The following CASP1 variants were observed in gnomAD, a reference collection of about 807,000 sequenced individuals.
CASP1 encodes the protein caspase-1.
CASP1 carries 31 observed loss-of-function variants against 41.2 expected under a neutral mutation model. The ratio of observed to expected loss-of-function variants is 0.75; its 90% CI spans 0.57 to 1.02. The LOEUF (loss-of-function observed/expected upper bound fraction) is 1.02, where lower values mean the gene tolerates loss of function less well. Ranked by LOEUF, CASP1 falls within the 50% of genes least tolerant of loss-of-function variation. CASP1 has a pLI of 0.00. For synonymous variants in CASP1, 163 were observed against 166.5 expected (o/e 0.98, Z 0.16); for missense variants, 490 against 495.7 (o/e 0.99, Z 0.11).
chr11:105,029,095 CAA>C, intron 7 of CASP1, 27 bp downstream of exon 7: 3 of 1,600,594 alleles, frequency 1.9e-6, no homozygotes, highest in Non-Finnish European at 2.6e-6. Flanking sequence ...ATAGCCCCAA[CAA>C]AGATGTCCTG....
chr11:105,036,039 T>A (rs941014834), upstream of CASP1, among the ~76,000 whole-genome samples: 11 of 152,126 alleles, frequency 7.2e-5, no homozygotes, highest in Non-Finnish European at 1.3e-4. Context: ...TCCCTATGCA[T>A]TGGTTCCTCT....
intron 7 of CASP1, among the ~76,000 whole-genome samples, chr11:105,028,020 G>C (rs1052636789): frequency 1.2e-4 from 19 of 152,120 alleles, no homozygotes; most frequent in African/African-American, 4.6e-4. Context: ...CCTACAAAGA[G>C]CTACTTAGAG....
chr11:105,025,883 A>G lies in CASP1; in HGVS notation c.*375T>C, dbSNP rs914366726. 3 of 222,070 alleles carry G rather than the reference A, an allele frequency of 1.4e-5. No individual in the cohort carries two copies. The Admixed American group carries it at 1.6e-4, about 12-fold the overall frequency. The allele number at this position is 222,070 out of a possible 1,614,324, so 13.8% of individuals were successfully genotyped here. A position where few individuals can be genotyped will look rare whatever the true frequency, so the allele number is the denominator to read the frequency against. ...AACGTGCTCTGCACTGACCAGAAGA[A>G]AGGCATTACTTCAGTATTTTCTGTA... On this transcript the variant is annotated 3_prime_UTR_variant, in exon 9 of 9. Transcript: ENST00000533400.
chr11:105,035,689 C>G (rs527619985), upstream of CASP1, among the ~76,000 whole-genome samples: 1 of 123,670 alleles, frequency 8.1e-6, no homozygotes, highest in East Asian at 3.0e-4. Context: ...GACCTTGGCT[C>G]ACTGCAGCCT....
chr11:105,033,914 A>C (rs757296745), intron 2 of CASP1: 1 of 708,780 alleles, frequency 1.4e-6, no homozygotes, highest in Admixed American at 1.8e-5. Context: ...CTTGCCAGGA[A>C]CACTGGAAAA....
intron 3 of CASP1, 137 bp downstream of exon 3, chr11:105,032,927 A>G: frequency 1.6e-6 from 1 of 627,414 alleles, no homozygotes; most frequent in Non-Finnish European, 2.8e-6. Flanking sequence ...ACAAAAGCAG[A>G]ATAGATTACA....
intron 3 of CASP1, among the ~76,000 whole-genome samples, chr11:105,032,141 T>A: frequency 6.6e-6 from 1 of 152,140 alleles, no homozygotes; most frequent in East Asian, 1.9e-4. Flanking sequence ...TAAAAACAAA[T>A]TTGAAAAATT....
chr11:105,034,749 T>A (rs1256501997), intron 1 of CASP1: 1 of 624,216 alleles, frequency 1.6e-6, no homozygotes, highest in Non-Finnish European at 2.7e-6. Flanking sequence ...TATTTAACTC[T>A]GGTTAATAAA....
chr11:105,026,682 G>A (rs1863311159), intron 8 of CASP1, 160 bp downstream of exon 8: 3 of 614,228 alleles, frequency 4.9e-6, no homozygotes, highest in Admixed American at 2.9e-5. Context: ...ATTGGATTAG[G>A]CTCCTGGGTT....
At chr11:105,035,372 G>A, upstream of CASP1, 1 of 504,652 alleles carries the variant, frequency 2.0e-6, no homozygotes, top group East Asian at 3.1e-5. Flanking sequence ...GAAAAAGTAT[G>A]TGTACAATTA....
Position 105,025,556 on chromosome 11 carries a change from G to A in CASP1, c.*702C>T, listed in dbSNP as rs1283284697. 1 of 425,700 alleles carries A rather than the reference G, an allele frequency of 2.3e-6. No individual in the cohort carries two copies. Among genetic ancestry groups the A allele is most frequent in the Non-Finnish European group, 4.6e-6 (1 of 217,864 alleles). 26.4% of individuals were successfully genotyped at this position (425,700 alleles called of 1,614,324 possible). On this transcript the variant is annotated 3_prime_UTR_variant, in exon 9 of 9. Coordinates refer to ENST00000533400, the MANE Select transcript of CASP1 (RefSeq NM_001257118.3). ...TTATTTCAAAAAAGTTTATTATTCA[G>A]CAGACATAATTCCAAAAACCTTTAC...
chr11:105,030,533 CT>C, intron 4 of CASP1, 30 bp from the exon 5 acceptor site: 1 of 1,580,638 alleles, frequency 6.3e-7, no homozygotes, highest in Non-Finnish European at 8.6e-7. Context: ...AATGAACAGC[CT>C]TGTTCTTTCC....
In CASP1 at chr11:105,033,136, G is replaced by C. The variant is rs900746321; in HGVS notation, c.275-10C>G. On this transcript the variant is annotated splice_polypyrimidine_tract_variant and intron_variant, in intron 2 of 8. Transcript: ENST00000533400. The stretch of plus-strand genomic sequence containing the variant: ...TTTCCAGATGTTTGATCTATGAAAA[G>C]ATAAAGGGTATTGAAGTAGTCACTT... 2 of 1,525,940 alleles carry C rather than the reference G, an allele frequency of 1.3e-6. No individual in the cohort carries two copies. Among genetic ancestry groups the C allele is most frequent in the Admixed American group, 1.7e-5 (1 of 59,364 alleles). The allele number at this position is 1,525,940 out of a possible 1,614,324, so 94.5% of individuals were successfully genotyped here.
chr11:105,030,808 T>C (rs1863644639), intron 4 of CASP1: 2 of 373,286 alleles, frequency 5.4e-6, no homozygotes, highest in Non-Finnish European at 9.6e-6. Flanking sequence ...TGATTGTTTT[T>C]CTTTGGGAAA....
In CASP1 at chr11:105,031,511, A is replaced by G. The variant is rs551204273; in HGVS notation, c.338-231T>C. The stretch of plus-strand genomic sequence containing the variant: ...GTATCTTCTTTCATATTTCAGGATC[A>G]GCCTTTCTACAAGCATTTTAGATAC... On this transcript the variant is annotated intron_variant, in intron 3 of 8. Transcript: ENST00000533400. 4.6e-5 allele frequency among the ~76,000 whole-genome samples: 7 copies of G among 152,318 alleles called. No homozygotes were observed. The South Asian group carries it at 1.4e-3, about 32-fold the overall frequency.
In CASP1 at chr11:105,034,191, A is replaced by G. The variant is rs2253995; in HGVS notation, c.274+17T>C. 551 of 1,613,746 alleles carry G rather than the reference A, an allele frequency of 3.4e-4. 1 individual carries two copies. Among genetic ancestry groups the G allele is most frequent in the South Asian group, 1.5e-3 (136 of 91,066 alleles). On this transcript the variant is annotated intron_variant, in intron 2 of 8. Transcript: ENST00000533400. ...ACAGGCCCTAGGTGAACTTGAGTGT[A>G]AGTCACTGACCCTTACCTGCTGAGA...
intron 4 of CASP1, 158 bp from the exon 5 acceptor site, chr11:105,030,661 G>T: frequency 1.6e-6 from 1 of 611,620 alleles, no homozygotes; most frequent in Non-Finnish European, 2.8e-6. Flanking sequence ...GCTGCTTCAA[G>T]AGTATGCATG....
At position 105,031,185 on chromosome 11, in the gene CASP1, A is replaced by G. The variant is rs746610950; in HGVS notation, c.433T>C (p.Trp145Arg). The change falls in exon 4 of 9, where the codon TGG becomes CGG. Residue 145 changes from tryptophan (W) to arginine (R), a missense_variant. Transcript: ENST00000533400. ...GGCACCTCTGCCGACTTTTGTTTCC[A>G]TATCCTTTGAGCTTCTTCTAGGGAG... is the stretch of plus-strand genomic sequence containing the variant. ...LCSLEEAQRIWKQKSAEIYPI... is the reference protein window; with the variant it reads ...LCSLEEAQRIRKQKSAEIYPI... The G allele has an allele frequency of 6.2e-7, 1 of 1,610,904 alleles. No homozygotes were observed. Among genetic ancestry groups the G allele is most frequent in the South Asian group, 1.1e-5 (1 of 91,032 alleles).
chr11:105,029,046 A>G, intron 7 of CASP1, 78 bp downstream of exon 7: 6 of 1,365,510 alleles, frequency 4.4e-6, no homozygotes, highest in Non-Finnish European at 1.0e-6. Flanking sequence ...TGAGTTGTTA[A>G]TCACCACCTC....
Sources: allele counts gnomAD v4.1 joint callset (sites outside exome capture counted in the v4.1 genomes callset), GRCh38; gene constraint gnomAD v4.1.1; transcripts MANE v1.5; gene names NCBI Gene and HGNC (gene_info 2026-07-23, HGNC 2026-07-21).